TLR6: variants seen among roughly 807,000 people sequenced by gnomAD.
TLR6 encodes the protein toll-like receptor 6.
In TLR6, 9 loss-of-function variants were observed where a neutral mutation model predicts 16.1. The ratio of observed to expected loss-of-function variants is 0.56; its 90% CI spans 0.34 to 0.98. The LOEUF (loss-of-function observed/expected upper bound fraction) is 0.98, where lower values mean the gene tolerates loss of function less well. Among genes scored for constraint, TLR6 ranks in the 50% least tolerant of loss-of-function variants. The pLI, the probability that TLR6 is intolerant of heterozygous loss-of-function variation, is 0.02. For missense variants in TLR6, 786 were observed against 921.0 expected (o/e 0.85, Z 1.90); for synonymous variants, 340 against 338.6 (o/e 1.00, Z -0.04).
chr4:38,866,150 C>T, the TLR6 span, among the ~76,000 whole-genome samples: 2 of 151,534 alleles, frequency 1.3e-5, no homozygotes, highest in East Asian at 3.9e-4. Context: ...AATAAATATT[C>T]AGTAGCTTAA....
At chr4:38,866,997 T>G in the TLR6 span, among the ~76,000 whole-genome samples, 3 of 152,230 alleles carry the variant, frequency 2.0e-5, no homozygotes, top group African/African-American at 7.2e-5. Flanking sequence ...AATACAAAAT[T>G]GTTTACAAAA....
chr4:38,841,208 T>C (rs2109447357), intron 1 of TLR6, among the ~76,000 whole-genome samples: 1 of 152,260 alleles, frequency 6.6e-6, no homozygotes, highest in East Asian at 1.9e-4. Context: ...TTTAGAGAGT[T>C]CTGATTTATT....
chr4:38,832,125 A>C (rs1397679006), intron 1 of TLR6, among the ~76,000 whole-genome samples: 2 of 152,368 alleles, frequency 1.3e-5, no homozygotes, highest in East Asian at 3.9e-4. Context: ...AAAAATATTA[A>C]CAAACTGGTA....
chr4:38,833,913 T>TA (rs764844539), intron 1 of TLR6, among the ~76,000 whole-genome samples: 21 of 151,678 alleles, frequency 1.4e-4, no homozygotes, highest in Non-Finnish European at 2.1e-4. Context: ...AGTAAAAAAA[T>TA]ATAATCAAGA....
At chr4:38,824,284 C>A (rs113972196) in exon 2 of TLR6, 4 of 152,038 alleles carry the variant, frequency 2.6e-5, no homozygotes, top group Non-Finnish European at 5.9e-5. Context: ...GCTTAGACTT[C>A]AGAGGAGAGA....
intron 1 of TLR6, among the ~76,000 whole-genome samples, chr4:38,849,097 A>G (rs1460667455): frequency 6.6e-6 from 1 of 152,266 alleles, no homozygotes; most frequent in African/African-American, 2.4e-5. Flanking sequence ...AAACTCTACA[A>G]GCCAGAAGAG....
In TLR6 at chr4:38,826,850, G is replaced by A. The variant is rs76053915; in HGVS notation, c.*233C>T. On this transcript the variant is annotated 3_prime_UTR_variant, in exon 2 of 2. Transcript: ENST00000436693. ...TGAAAAACTGAGCATTTACTCAAAA[G>A]AGACTGTTTCAATTTGAAACATAAT... 637 of 390,290 alleles carry A rather than the reference G, an allele frequency of 1.6e-3. 3 individuals are homozygous for A. The highest frequency in any genetic ancestry group is 0.012 in the African/African-American group (592 of 48,616). 24.2% of individuals were successfully genotyped at this position (390,290 alleles called of 1,614,324 possible). A position where few individuals can be genotyped will look rare whatever the true frequency, so the allele number is the denominator to read the frequency against.
chr4:38,851,264 A>G (rs952886639), intron 1 of TLR6, among the ~76,000 whole-genome samples: 27 of 152,322 alleles, frequency 1.8e-4, no homozygotes, highest in Admixed American at 9.2e-4. Flanking sequence ...ACAAACCCAC[A>G]GCCAATAGCA....
the TLR6 span, among the ~76,000 whole-genome samples, chr4:38,863,560 A>G: frequency 2.6e-5 from 4 of 152,186 alleles, no homozygotes; most frequent in African/African-American, 9.7e-5. Context: ...CCTCATATCA[A>G]TAAATGATAT....
downstream of TLR6, among the ~76,000 whole-genome samples, chr4:38,823,343 T>A (rs1475170734): frequency 6.6e-6 from 1 of 152,212 alleles, no homozygotes; most frequent in Non-Finnish European, 1.5e-5. Flanking sequence ...AGCCTAGGTG[T>A]GTAGTAAGCT....
chr4:38,838,234 C>T (rs1167454041), intron 1 of TLR6, among the ~76,000 whole-genome samples: 1 of 152,124 alleles, frequency 6.6e-6, no homozygotes, highest in Non-Finnish European at 1.5e-5. Flanking sequence ...TCCAGCAACC[C>T]CACTTCTGGA....
the TLR6 span, among the ~76,000 whole-genome samples, chr4:38,863,299 C>T: frequency 6.6e-6 from 1 of 152,192 alleles, no homozygotes; most frequent in Admixed American, 6.5e-5. Flanking sequence ...CATTGGCATT[C>T]CTTCCCAGTC....
upstream of TLR6, among the ~76,000 whole-genome samples, chr4:38,858,776 GGAGAGAGAGAGAGAGGGA>G (rs1560274515): frequency 9.9e-3 from 323 of 32,546 alleles, 9 homozygotes; most frequent in Admixed American, 0.064. Flanking sequence ...AGAGAGAGAG[GGAGAGAGAGAGAGAGGGA>G]GAGAGAGAGA....
At chr4:38,858,813 GGGA>G (rs1713109877), upstream of TLR6, among the ~76,000 whole-genome samples, 3 of 104,274 alleles carry the variant, frequency 2.9e-5, no homozygotes, top group East Asian at 2.9e-4. Flanking sequence ...GAGAGAGAGA[GGGA>G]GAGAGAGAGA....
chr4:38,826,857 T>C (rs565017454), exon 2 of TLR6: 57 of 407,936 alleles, frequency 1.4e-4, no homozygotes, highest in African/African-American at 1.0e-3. Context: ...AAAGAGACTG[T>C]TTCAATTTGA....
At chr4:38,864,674 C>T in the TLR6 span, among the ~76,000 whole-genome samples, 39 of 152,148 alleles carry the variant, frequency 2.6e-4, no homozygotes, top group African/African-American at 7.7e-4. Context: ...AACAATTATA[C>T]GTGCATTTGT....
At chr4:38,827,740 A>G in exon 2 of TLR6, 1 of 1,614,252 alleles carries the variant, frequency 6.2e-7, no homozygotes, top group South Asian at 1.1e-5. Context: ...AGGATAATTC[A>G]GACATGTGAA....
intron 1 of TLR6, among the ~76,000 whole-genome samples, chr4:38,838,587 A>C (rs549929491): frequency 2.6e-4 from 39 of 152,338 alleles, no homozygotes; most frequent in African/African-American, 9.1e-4. Flanking sequence ...CCAGAGACTA[A>C]GAGGTGAGTG....
intron 1 of TLR6, among the ~76,000 whole-genome samples, chr4:38,840,495 G>T (rs571490885): frequency 8.3e-4 from 127 of 152,140 alleles, no homozygotes; most frequent in African/African-American, 2.9e-3. Flanking sequence ...TTAGCTGGGC[G>T]TGGTGGTGGG....
Sources: gnomAD v4.1 joint callset for allele counts (sites outside exome capture counted in the v4.1 genomes callset) on GRCh38, gnomAD v4.1.1 for gene constraint, MANE v1.5 for transcripts, NCBI Gene and HGNC (gene_info 2026-07-23, HGNC 2026-07-21) for gene names.